Variants in KCTD20 observed in about 807,000 individuals in gnomAD.
KCTD20 encodes the protein BTB/POZ domain-containing protein KCTD20.
KCTD20 carries 30 observed loss-of-function variants against 39.6 expected under a neutral mutation model. The ratio of observed to expected loss-of-function variants is 0.76; its 90% CI spans 0.57 to 1.03. KCTD20 has a LOEUF of 1.03. Ranked by LOEUF, KCTD20 falls within the 50% of genes least tolerant of loss-of-function variation. The pLI is 0.00. For missense variants in KCTD20, 422 were observed against 522.0 expected (o/e 0.81, Z 1.87); for synonymous variants, 162 against 180.6 (o/e 0.90, Z 0.83).
chr6:36,465,588 C>T (rs549488136), intron 1 of KCTD20: 3 of 152,002 alleles, frequency 2.0e-5, no homozygotes, highest in African/African-American at 4.8e-5. Context: ...GAAACCAGTA[C>T]ATTCTTTTTT....
Position 36,487,306 on chromosome 6 carries a change from A to AT in KCTD20, c.*133dup. On this transcript the variant is annotated 3_prime_UTR_variant, in exon 8 of 8. Coordinates refer to ENST00000373731, the MANE Select transcript of KCTD20 (RefSeq NM_173562.5). ...CCCTAACCTTTTCCTTTCTGCCATA[A>AT]TTAACATATGTCCTTTTCAGTAAGT... 1 of 903,116 alleles carries AT rather than the reference A, an allele frequency of 1.1e-6. No homozygotes were observed. Among genetic ancestry groups the AT allele is most frequent in the Non-Finnish European group, 1.7e-6 (1 of 585,820 alleles). The allele number at this position is 903,116 out of a possible 1,614,324, so 55.9% of individuals were successfully genotyped here.
At chr6:36,472,966 T>C (rs528343150) in intron 2 of KCTD20, among the ~76,000 whole-genome samples, 1 of 152,002 alleles carries the variant, frequency 6.6e-6, no homozygotes, top group South Asian at 2.1e-4. Context: ...AGTGGTACAA[T>C]CTTGGCTTGC....
intron 2 of KCTD20, among the ~76,000 whole-genome samples, chr6:36,471,734 G>A (rs1380120543): frequency 6.6e-6 from 1 of 152,082 alleles, no homozygotes; most frequent in Non-Finnish European, 1.5e-5. Context: ...CATTTAAGCA[G>A]GATAGAACCT....
chr6:36,486,495 C>G (rs1776427925), intron 7 of KCTD20, among the ~76,000 whole-genome samples: 3 of 152,272 alleles, frequency 2.0e-5, no homozygotes, highest in Admixed American at 6.5e-5. Context: ...TTAACTGTTT[C>G]TCATATAGTA....
In KCTD20 at chr6:36,484,271, C is replaced by A. The variant is rs181017159; in HGVS notation, c.857-443C>A. On this transcript the variant is annotated intron_variant, in intron 6 of 7. Transcript: ENST00000373731. The stretch of plus-strand genomic sequence containing the variant: ...AGTTTTCAAGAGCCATTGTAATTTC[C>A]TTTTTTGTTAATAGTGTTTGTGCCT... Among the ~76,000 whole-genome samples the A allele has an allele frequency of 3.3e-5, 5 of 152,264 alleles. No individual in the cohort carries two copies. The East Asian group carries it at 9.6e-4, about 29-fold the overall frequency.
intron 7 of KCTD20, among the ~76,000 whole-genome samples, chr6:36,485,488 CT>C (rs34990483): frequency 9.5e-3 from 918 of 97,082 alleles, no homozygotes; most frequent in African/African-American, 0.014. Flanking sequence ...TGGAGTGGAT[CT>C]TTTTTTTTTT....
At chr6:36,457,430 G>A (rs946960974) in intron 1 of KCTD20, among the ~76,000 whole-genome samples, 5 of 152,158 alleles carry the variant, frequency 3.3e-5, no homozygotes, top group African/African-American at 4.8e-5. Flanking sequence ...TGTTGAGGCC[G>A]GGTACGGGGA....
intron 2 of KCTD20, among the ~76,000 whole-genome samples, chr6:36,471,850 C>CTTTTTT (rs550731370): frequency 7.4e-6 from 1 of 135,362 alleles, no homozygotes; most frequent in Non-Finnish European, 1.6e-5. Context: ...GTATCTATTT[C>CTTTTTT]TTTTTTTTTT....
chr6:36,480,217 G>A (rs1435583724), intron 5 of KCTD20, among the ~76,000 whole-genome samples: 2 of 152,132 alleles, frequency 1.3e-5, no homozygotes, highest in African/African-American at 2.4e-5. Flanking sequence ...AGGAACTGGA[G>A]TAGACAAAGG....
At chr6:36,480,151 G>A (rs1209730708) in intron 5 of KCTD20, among the ~76,000 whole-genome samples, 1 of 152,146 alleles carries the variant, frequency 6.6e-6, no homozygotes, top group Non-Finnish European at 1.5e-5. Flanking sequence ...ATCTTCTGCA[G>A]AGGCAGAGAT....
At chr6:36,464,495 C>A (rs1001205745) in intron 1 of KCTD20, among the ~76,000 whole-genome samples, 4 of 152,236 alleles carry the variant, frequency 2.6e-5, no homozygotes, top group African/African-American at 4.8e-5. Flanking sequence ...AATTTCTTAT[C>A]TTTTGTAGAG....
intron 2 of KCTD20, among the ~76,000 whole-genome samples, chr6:36,473,363 A>G (rs998382653): frequency 2.0e-5 from 3 of 152,058 alleles, no homozygotes; most frequent in African/African-American, 7.2e-5. Context: ...CACCCGGCCT[A>G]TTTTTAAGTG....
At chr6:36,483,858 CT>C (rs1459678582) in intron 6 of KCTD20, among the ~76,000 whole-genome samples, 2 of 150,936 alleles carry the variant, frequency 1.3e-5, no homozygotes, top group Non-Finnish European at 2.9e-5. Context: ...TTGCTACTTT[CT>C]TAGTAAGTAA....
intron 5 of KCTD20, among the ~76,000 whole-genome samples, chr6:36,480,155 C>G (rs1350990997): frequency 6.6e-6 from 1 of 152,140 alleles, no homozygotes; most frequent in Non-Finnish European, 1.5e-5. Context: ...TCTGCAGAGG[C>G]AGAGATGTGA....
rs1338738643 is a variant in KCTD20, at chr6:36,474,902, G to T, written c.274G>T (p.Glu92Ter). The T allele has an allele frequency of 6.2e-7, 1 of 1,614,024 alleles. No homozygotes were observed. The highest frequency in any genetic ancestry group is 8.5e-7 in the Non-Finnish European group (1 of 1,180,028). The change falls in exon 3 of 8, where the codon GAA (glutamate) becomes TAA (stop). Residue 92 changes from glutamate to a stop codon, truncating the protein, a stop_gained. Transcript: ENST00000373731. LOFTEE classifies it high-confidence loss of function. Reference protein sequence around the residue: ...CFQSGNKRNHEPFIAPERFGN... With the variant: ...CFQSGNKRNH ...CCAAAGTGGGAATAAACGGAACCAT[G>T]AACCTTTTATTGCTCCAGAAAGATT...
At chr6:36,460,765 G>A (rs565209407) in intron 1 of KCTD20, among the ~76,000 whole-genome samples, 1 of 152,192 alleles carries the variant, frequency 6.6e-6, no homozygotes, top group African/African-American at 2.4e-5. Flanking sequence ...CCGGTCTTCA[G>A]CTTGAAATCA....
chr6:36,462,609 A>G (rs763851332), intron 1 of KCTD20, among the ~76,000 whole-genome samples: 6 of 152,176 alleles, frequency 3.9e-5, no homozygotes, highest in South Asian at 4.1e-4. Context: ...TATCAGCTGG[A>G]TTTGAGAACC....
chr6:36,454,394 T>C (rs1582310441), intron 1 of KCTD20, among the ~76,000 whole-genome samples: 1 of 150,908 alleles, frequency 6.6e-6, no homozygotes, highest in Non-Finnish European at 1.5e-5. Context: ...CAGGCTGGAG[T>C]GCAGTGGCGT....
intron 5 of KCTD20, 123 bp downstream of exon 5, chr6:36,479,834 G>T (rs853881): frequency 1.3e-6 from 1 of 758,770 alleles, no homozygotes; most frequent in Non-Finnish European, 1.9e-6. Context: ...CTCTGTCGCC[G>T]AGGCTGGAGT....
Sources: gnomAD v4.1 joint callset for allele counts (sites outside exome capture counted in the v4.1 genomes callset) on GRCh38, gnomAD v4.1.1 for gene constraint, MANE v1.5 for transcripts, NCBI Gene and HGNC (gene_info 2026-07-23, HGNC 2026-07-21) for gene names.